Variants in UIMC1 observed in about 807,000 individuals in gnomAD.
UIMC1 encodes the protein ubiquitin interaction motif containing 1, also known as BRCA1-A complex subunit RAP80.
A neutral mutation model predicts 84.9 loss-of-function variants in UIMC1; 42 were observed. The observed-to-expected ratio is 0.49, with a 90% CI of 0.39 to 0.64. The LOEUF is 0.64. UIMC1 is among the 30% of genes least tolerant of loss of function. UIMC1 has a pLI of 0.00. For missense variants in UIMC1, 825 were observed against 847.6 expected (o/e 0.97, Z 0.33); for synonymous variants, 281 against 293.0 (o/e 0.96, Z 0.42).
intron 6 of UIMC1, among the ~76,000 whole-genome samples, chr5:176,966,133 T>C (rs1357703600): frequency 6.6e-6 from 1 of 152,238 alleles, no homozygotes; most frequent in Non-Finnish European, 1.5e-5. Context: ...AGAATGTGAA[T>C]GAAGATGGTT....
chr5:176,938,240 T>A (rs1321556292), intron 10 of UIMC1, among the ~76,000 whole-genome samples: 33 of 111,978 alleles, frequency 2.9e-4, no homozygotes, highest in East Asian at 5.0e-4. Flanking sequence ...CCTTCCACAG[T>A]AAAAAAAAAA....
chr5:176,978,734 TATA>T (rs1241547498), intron 2 of UIMC1, among the ~76,000 whole-genome samples: 1 of 152,172 alleles, frequency 6.6e-6, no homozygotes, highest in Admixed American at 6.5e-5. Flanking sequence ...TAATCCCATA[TATA>T]ATATTAGTTG....
chr5:176,972,528 G>A (rs559677460), intron 3 of UIMC1, among the ~76,000 whole-genome samples: 1 of 152,260 alleles, frequency 6.6e-6, no homozygotes, highest in Admixed American at 6.5e-5. Flanking sequence ...CTGAGGTCAG[G>A]AGTTTGAGAC....
chr5:176,993,357 C>A (rs1773153029), intron 1 of UIMC1, among the ~76,000 whole-genome samples: 4 of 151,936 alleles, frequency 2.6e-5, no homozygotes, highest in Admixed American at 1.3e-4. Flanking sequence ...AGCTAATTTA[C>A]TTTTTATTTT....
At chr5:177,005,987 G>A (rs1055803952) in intron 1 of UIMC1, among the ~76,000 whole-genome samples, 9 of 152,144 alleles carry the variant, frequency 5.9e-5, no homozygotes, top group African/African-American at 2.2e-4. Context: ...GGACGATAGG[G>A]ATCTCCAAGG....
At chr5:176,928,945 C>T (rs1461445452) in intron 10 of UIMC1, among the ~76,000 whole-genome samples, 3 of 150,342 alleles carry the variant, frequency 2.0e-5, no homozygotes, top group African/African-American at 4.9e-5. Context: ...AGTGAAACTA[C>T]GTCTTTTAAA....
chr5:177,010,784 A>C (rs1775530898), upstream of UIMC1, among the ~76,000 whole-genome samples: 1 of 152,132 alleles, frequency 6.6e-6, no homozygotes, highest in South Asian at 2.1e-4. Context: ...CGGCCTCCCA[A>C]AGTGAGCAAC....
chr5:176,911,227 G>A, intron 11 of UIMC1, 84 bp downstream of exon 11: 3 of 1,138,516 alleles, frequency 2.6e-6, no homozygotes, highest in Non-Finnish European at 2.4e-6. Context: ...AGAAATACAG[G>A]GTAAGATAGG....
intron 6 of UIMC1, among the ~76,000 whole-genome samples, chr5:176,961,132 G>A (rs1298915030): frequency 2.5e-5 from 2 of 81,180 alleles, no homozygotes; most frequent in Admixed American, 9.7e-5. Context: ...CGGCTGCCCA[G>A]TCTGGGAAGT....
At chr5:177,009,454 G>C (rs1485012154), upstream of UIMC1, among the ~76,000 whole-genome samples, 3 of 151,632 alleles carry the variant, frequency 2.0e-5, no homozygotes, top group African/African-American at 4.8e-5. This position sits in a 1 kb window ranked among gnomAD's most constrained non-coding sequence, Gnocchi z 4.3. Context: ...CAACTTCTGG[G>C]TTTTCTATGA....
intron 9 of UIMC1, among the ~76,000 whole-genome samples, chr5:176,946,883 G>A (rs1008025012): frequency 6.6e-6 from 1 of 152,142 alleles, no homozygotes; most frequent in Non-Finnish European, 1.5e-5. Context: ...AGGATGGCAG[G>A]GGGGTAAAGG....
At chr5:176,920,217 G>A (rs761859150) in intron 10 of UIMC1, among the ~76,000 whole-genome samples, 2 of 151,774 alleles carry the variant, frequency 1.3e-5, no homozygotes, top group Non-Finnish European at 2.9e-5. Context: ...TAGTAGAGAC[G>A]GAGTTTCTCC....
intron 11 of UIMC1, 113 bp downstream of exon 11, chr5:176,911,198 G>T (rs1760163870): frequency 2.8e-6 from 2 of 714,276 alleles, no homozygotes; most frequent in Non-Finnish European, 2.1e-6. Flanking sequence ...TCCAAGCAAT[G>T]AAGCAATTGG....
intron 11 of UIMC1, among the ~76,000 whole-genome samples, chr5:176,909,920 T>G (rs1759898083): frequency 6.6e-6 from 1 of 152,166 alleles, no homozygotes; most frequent in South Asian, 2.1e-4. Flanking sequence ...TTTCCTTACT[T>G]AAAAAACGAA....
chr5:176,974,070 G>T (rs1245788028), intron 3 of UIMC1, among the ~76,000 whole-genome samples: 1 of 152,112 alleles, frequency 6.6e-6, no homozygotes, highest in East Asian at 1.9e-4. Flanking sequence ...AAAAACAGTA[G>T]TAATAAACAA....
chr5:176,939,557 C>T (rs908892792), intron 10 of UIMC1, among the ~76,000 whole-genome samples: 25 of 152,204 alleles, frequency 1.6e-4, no homozygotes, highest in African/African-American at 4.3e-4. Flanking sequence ...CTACAGTGTT[C>T]GGTACAGTAA....
At chr5:176,969,331 T>G (rs376392413) in intron 5 of UIMC1, 40 bp from the exon 6 acceptor site, 6 of 1,554,408 alleles carry the variant, frequency 3.9e-6, no homozygotes, top group Non-Finnish European at 5.2e-6. Context: ...AGGACAAACT[T>G]TTTTATTAAG....
chr5:176,908,811 A>C (rs1034469725), intron 11 of UIMC1, 117 bp from the exon 12 acceptor site: 1 of 1,003,848 alleles, frequency 1.0e-6, no homozygotes, highest in Non-Finnish European at 1.5e-6. Flanking sequence ...TGGAGGAGAC[A>C]TATCAACCAA....
chr5:176,970,527 G>A (rs1213871456), intron 4 of UIMC1: 2 of 628,116 alleles, frequency 3.2e-6, no homozygotes, highest in Admixed American at 5.8e-5. Context: ...AAATCCATGG[G>A]GTGGAAGAAA....
Sources: gnomAD v4.1 joint callset for allele counts (sites outside exome capture counted in the v4.1 genomes callset) on GRCh38, gnomAD v4.1.1 for gene constraint, Gnocchi (gnomAD v3.1) non-coding constraint, MANE v1.5 for transcripts, NCBI Gene and HGNC (gene_info 2026-07-23, HGNC 2026-07-21) for gene names.